TMEM120B: variants seen among roughly 807,000 people sequenced by gnomAD.
The protein encoded by TMEM120B is transmembrane protein 120B.
TMEM120B carries 31 observed loss-of-function variants against 55.5 expected under a neutral mutation model. That is an observed-to-expected ratio of 0.56 (90% CI 0.42 to 0.75). TMEM120B has a LOEUF of 0.75. Ranked by LOEUF, TMEM120B falls within the 30% of genes least tolerant of loss-of-function variation. TMEM120B has a pLI of 0.00. For synonymous variants in TMEM120B, 203 were observed against 176.3 expected (o/e 1.15, Z -1.20); for missense variants, 399 against 425.5 (o/e 0.94, Z 0.55).
chr12:121,743,487 G>A (rs1381505755), intron 1 of TMEM120B, 142 bp from the exon 2 acceptor site: 11 of 556,502 alleles, frequency 2.0e-5, no homozygotes, highest in South Asian at 1.4e-4. Context: ...GAACCCAGGA[G>A]GCGGAGGTTG....
chr12:121,773,843 C>T (rs1346590429), intron 9 of TMEM120B, among the ~76,000 whole-genome samples: 1 of 151,602 alleles, frequency 6.6e-6, no homozygotes, highest in African/African-American at 2.4e-5. Flanking sequence ...TGCATGTACA[C>T]GGGGGAGACA....
At chr12:121,732,030 G>A (rs139533020) in intron 1 of TMEM120B, among the ~76,000 whole-genome samples, 10 of 152,228 alleles carry the variant, frequency 6.6e-5, no homozygotes, top group Non-Finnish European at 8.8e-5. Flanking sequence ...CCAGCTACTC[G>A]GGAGGCTGAA....
chr12:121,726,274 T>C (rs962922028), intron 1 of TMEM120B, among the ~76,000 whole-genome samples: 1 of 151,952 alleles, frequency 6.6e-6, no homozygotes, highest in Non-Finnish European at 1.5e-5. Context: ...TATATATCAA[T>C]GAAGTTGTTA....
intron 9 of TMEM120B, 54 bp downstream of exon 9, chr12:121,773,567 C>T: frequency 1.4e-6 from 2 of 1,401,950 alleles, no homozygotes; most frequent in Non-Finnish European, 1.9e-6. Flanking sequence ...CTGCCAGCTC[C>T]CCACACCGGG....
chr12:121,758,138 A>G, intron 5 of TMEM120B: 1 of 984,620 alleles, frequency 1.0e-6, no homozygotes, highest in Non-Finnish European at 1.2e-6. Flanking sequence ...AGCCTTTGTC[A>G]GTGCCTCCTC....
Position 121,779,822 on chromosome 12 carries a change from G to A in TMEM120B, c.*4100G>A, listed in dbSNP as rs1874382009. On this transcript the variant is annotated 3_prime_UTR_variant, in exon 12 of 12. Coordinates refer to ENST00000449592, the MANE Select transcript of TMEM120B (RefSeq NM_001080825.2). ...CCTGGCTGCCCCTCACAGTGTGTGG[G>A]TGGAATGGAGGGCCAGGGCAGTGCA... 8.1e-6 allele frequency: 6 copies of A among 740,656 alleles called. No individual in the cohort carries two copies. Among genetic ancestry groups the A allele is most frequent in the Non-Finnish European group, 1.3e-5 (6 of 460,764 alleles). The allele number at this position is 740,656 out of a possible 1,614,324, so 45.9% of individuals were successfully genotyped here. A position where few individuals can be genotyped will look rare whatever the true frequency, so the allele number is the denominator to read the frequency against.
At chr12:121,751,991 C>G (rs1220818688) in intron 4 of TMEM120B, 137 bp from the exon 5 acceptor site, 4 of 688,564 alleles carry the variant, frequency 5.8e-6, no homozygotes, top group Non-Finnish European at 1.0e-5. Context: ...CCAGGTCTTT[C>G]CTTTAGTGGA....
At chr12:121,733,565 A>G (rs1895044775) in intron 1 of TMEM120B, among the ~76,000 whole-genome samples, 2 of 126,976 alleles carry the variant, frequency 1.6e-5, no homozygotes, top group African/African-American at 6.1e-5. Flanking sequence ...TTTGAGACAG[A>G]GTCTCACTCT....
chr12:121,760,985 T>A (rs866157875), intron 5 of TMEM120B, among the ~76,000 whole-genome samples: 2 of 152,082 alleles, frequency 1.3e-5, no homozygotes, highest in African/African-American at 2.4e-5. Flanking sequence ...TCCCATTCTT[T>A]TGTTTTTTTT....
chr12:121,775,064 C>T lies in TMEM120B; in HGVS notation c.840C>T (p.Phe280=), dbSNP rs756240585. 3 of 1,611,686 alleles carry T rather than the reference C, an allele frequency of 1.9e-6. No homozygotes were observed. The Admixed American group carries it at 5.0e-5, about 27-fold the overall frequency. The part of the protein sequence containing the change: ...FLLPFLFCGH[F]WQLYNAVTLF... ...GCAGCGCCTGCCTTCCTCTCCAGTT[C>T]TGGCAGCTCTACAATGCCGTCACGC... Residue 280 remains phenylalanine (F), a splice_region_variant and synonymous_variant, in exon 11 of 12, where the codon TTC becomes TTT. Transcript: ENST00000449592. This position sits in a 1 kb window ranked among gnomAD's most constrained non-coding sequence, Gnocchi z 4.3.
chr12:121,766,338 A>G (rs538757042), intron 6 of TMEM120B, among the ~76,000 whole-genome samples: 2 of 152,316 alleles, frequency 1.3e-5, no homozygotes, highest in African/African-American at 4.8e-5. Flanking sequence ...ATGGAAAACC[A>G]TCCCATAGGG....
intron 1 of TMEM120B, among the ~76,000 whole-genome samples, chr12:121,728,122 C>T (rs1313574449): frequency 6.6e-6 from 1 of 151,608 alleles, no homozygotes; most frequent in Non-Finnish European, 1.5e-5. Context: ...ATTCTCCGGC[C>T]TCAGCCTCCC....
Position 121,777,560 on chromosome 12 carries a change from A to ACCCCCCTGCCC in TMEM120B, c.*1839_*1849dup, listed in dbSNP as rs1290328530. The ACCCCCCTGCCC allele has an allele frequency of 6.6e-6, 1 of 151,972 alleles. No homozygotes were observed. Among genetic ancestry groups the ACCCCCCTGCCC allele is most frequent in the East Asian group, 1.9e-4 (1 of 5,190 alleles). 9.4% of individuals were successfully genotyped at this position (151,972 alleles called of 1,614,324 possible). A position where few individuals can be genotyped will look rare whatever the true frequency, so the allele number is the denominator to read the frequency against. The stretch of plus-strand genomic sequence containing the variant: ...CTCTCCAGTTGCCACAGGCCCTGCC[A>ACCCCCCTGCCC]CCCCCCTGCCCTTCATTCTGGTCTC... On this transcript the variant is annotated 3_prime_UTR_variant, in exon 12 of 12. Transcript: ENST00000449592.
At chr12:121,733,313 C>T (rs888555445) in intron 1 of TMEM120B, among the ~76,000 whole-genome samples, 15 of 151,900 alleles carry the variant, frequency 9.9e-5, no homozygotes, top group African/African-American at 1.7e-4. Flanking sequence ...GGCATGATCT[C>T]GGCTCACTGC....
chr12:121,748,472 C>T, intron 3 of TMEM120B, 30 bp downstream of exon 3: 2 of 1,490,998 alleles, frequency 1.3e-6, no homozygotes, highest in Non-Finnish European at 1.9e-6. Flanking sequence ...CCACCCCTAG[C>T]ACAGGCCCAT....
chr12:121,718,225 G>A (rs576476758), intron 1 of TMEM120B, among the ~76,000 whole-genome samples: 4 of 152,296 alleles, frequency 2.6e-5, no homozygotes, highest in South Asian at 4.1e-4. Context: ...GCCCATGCCT[G>A]TAATCCCAGC....
intron 8 of TMEM120B, among the ~76,000 whole-genome samples, chr12:121,772,109 T>TTCTC (rs199806160): frequency 2.0e-4 from 29 of 147,418 alleles, no homozygotes; most frequent in African/African-American, 4.1e-4. Context: ...CTTTCTCTCT[T>TTCTC]TCTCTCTCTC....
At chr12:121,713,111 C>T in intron 1 of TMEM120B, 147 bp downstream of exon 1, 1 of 570,474 alleles carries the variant, frequency 1.8e-6, no homozygotes, top group Non-Finnish European at 2.9e-6. Context: ...AGGCATGGAC[C>T]AGCCCCCTCC....
At chr12:121,724,358 GAC>G (rs1385381465) in intron 1 of TMEM120B, among the ~76,000 whole-genome samples, 1 of 151,792 alleles carries the variant, frequency 6.6e-6, no homozygotes, top group Non-Finnish European at 1.5e-5. Flanking sequence ...ATTTTTGGTA[GAC>G]ACAGGGTTTC....
Sources: gnomAD v4.1 joint callset for allele counts (sites outside exome capture counted in the v4.1 genomes callset) on GRCh38, gnomAD v4.1.1 for gene constraint, Gnocchi (gnomAD v3.1) non-coding constraint, MANE v1.5 for transcripts, NCBI Gene and HGNC (gene_info 2026-07-23, HGNC 2026-07-21) for gene names.